FBP1: variants seen among roughly 807,000 people sequenced by gnomAD.
FBP1 encodes fructose-bisphosphatase 1.
A neutral mutation model predicts 29.9 loss-of-function variants in FBP1; 22 were observed. The ratio of observed to expected loss-of-function variants is 0.74; its 90% CI spans 0.53 to 1.05. The LOEUF (loss-of-function observed/expected upper bound fraction) is 1.05. FBP1 is among the 50% of genes least tolerant of loss of function. FBP1 has a pLI of 0.00. For synonymous variants in FBP1, 175 were observed against 178.6 expected, an observed-to-expected ratio of 0.98 and a Z score of 0.16; for missense variants, 345 against 448.2, an observed-to-expected ratio of 0.77 and a Z score of 2.08.
At chr9:94,631,813 C>T (rs1828108228) in intron 1 of FBP1, among the ~76,000 whole-genome samples, 1 of 152,110 alleles carries the variant, frequency 6.6e-6, no homozygotes, top group Admixed American at 6.5e-5. Context: ...TGCTTGATTC[C>T]ATGGTAATCA....
intron 1 of FBP1, among the ~76,000 whole-genome samples, chr9:94,633,211 A>G (rs28402398): frequency 0.01 from 1,591 of 152,158 alleles, 28 homozygotes; most frequent in African/African-American, 0.037. Flanking sequence ...CATCTAATCC[A>G]TGCTCAGACT....
intron 4 of FBP1, 23 bp from the exon 5 acceptor site, chr9:94,606,975 G>C: frequency 6.2e-7 from 1 of 1,613,934 alleles, no homozygotes; most frequent in Admixed American, 1.7e-5. Context: ...GGAAGGAAAG[G>C]TGGAGAGATG....
intron 1 of FBP1, among the ~76,000 whole-genome samples, chr9:94,631,800 T>C (rs1299483086): frequency 1.3e-5 from 2 of 152,178 alleles, no homozygotes; most frequent in Non-Finnish European, 2.9e-5. Flanking sequence ...ACTGGCTTGT[T>C]ACTGCTTGAT....
intron 4 of FBP1, among the ~76,000 whole-genome samples, 184 bp downstream of exon 4, chr9:94,609,737 T>G (rs192316968): frequency 6.6e-6 from 1 of 152,296 alleles, no homozygotes; most frequent in Admixed American, 6.5e-5. Context: ...CTCACCTCCA[T>G]AGTCTGCTCG....
intron 1 of FBP1, among the ~76,000 whole-genome samples, chr9:94,620,706 T>C (rs974481477): frequency 1.2e-4 from 18 of 152,108 alleles, no homozygotes; most frequent in African/African-American, 4.3e-4. Flanking sequence ...AAATGGGAGT[T>C]GAACAATGAG....
intron 3 of FBP1, among the ~76,000 whole-genome samples, chr9:94,613,693 GAGGGTGA>G (rs1460412646): frequency 6.6e-6 from 1 of 152,150 alleles, no homozygotes; most frequent in African/African-American, 2.4e-5. Context: ...TTAAACCCGG[GAGGGTGA>G]GGCTGCAGTG....
Position 94,603,179 on chromosome 9 carries a change from A to T in FBP1, c.*202T>A. 1 of 606,002 alleles carries T rather than the reference A, an allele frequency of 1.7e-6. No individual in the cohort carries two copies. Among genetic ancestry groups the T allele is most frequent in the Non-Finnish European group, 3.0e-6 (1 of 335,912 alleles). The allele number at this position is 606,002 out of a possible 1,614,324, so 37.5% of individuals were successfully genotyped here. ...TTTATTTCTCCTCCATCCACTCAAA[A>T]TATATCTTAACACCAGTGGCATTAT... On this transcript the variant is annotated 3_prime_UTR_variant, in exon 7 of 7. Coordinates refer to ENST00000375326, the MANE Select transcript of FBP1 (RefSeq NM_000507.4).
chr9:94,615,557 A>G (rs1320285589), intron 3 of FBP1, among the ~76,000 whole-genome samples: 2 of 152,194 alleles, frequency 1.3e-5, no homozygotes, highest in Non-Finnish European at 2.9e-5. Flanking sequence ...TTCCATGTCT[A>G]CAACAGAAAT....
intron 1 of FBP1, among the ~76,000 whole-genome samples, chr9:94,627,708 C>T (rs181138117): frequency 5.3e-5 from 8 of 152,324 alleles, no homozygotes; most frequent in Middle Eastern, 3.4e-3. Flanking sequence ...CGACTGGAGC[C>T]TTGCACACAC....
intron 4 of FBP1, 62 bp downstream of exon 4, chr9:94,609,859 A>G: frequency 1.3e-6 from 2 of 1,574,846 alleles, no homozygotes; most frequent in Non-Finnish European, 1.7e-6. Flanking sequence ...AATCCCCCAC[A>G]CATATCATTC....
chr9:94,625,051 T>C (rs1371432586), intron 1 of FBP1, among the ~76,000 whole-genome samples: 1 of 150,072 alleles, frequency 6.7e-6, no homozygotes, highest in Non-Finnish European at 1.5e-5. Flanking sequence ...TGGGATTAAA[T>C]GAAAGTAGGC....
chr9:94,639,197 G>C lies in FBP1; in HGVS notation c.114C>G (p.Leu38=). The C allele has an allele frequency of 1.9e-6, 3 of 1,604,074 alleles. No individual in the cohort carries two copies. The highest frequency in any genetic ancestry group is 2.6e-6 in the Non-Finnish European group (3 of 1,175,658). The change falls in exon 1 of 7, where the codon CTC becomes CTG. Residue 38 remains leucine (L), a synonymous_variant. Transcript: ENST00000375326. The part of the protein sequence containing the change: ...TGELTQLLNS[L]CTAVKAISSA... Reference sequence around the variant, plus strand: ...AAGAGATGGCTTTGACTGCTGTGCAGAGCGAGTTGAGCAGCTGGGTCAACT... The same window carrying C: ...AAGAGATGGCTTTGACTGCTGTGCACAGCGAGTTGAGCAGCTGGGTCAACT...
chr9:94,639,434 G>T lies in FBP1; in HGVS notation c.-124C>A. The T allele has an allele frequency of 1.7e-6, 2 of 1,159,762 alleles. No individual in the cohort carries two copies. Among genetic ancestry groups the T allele is most frequent in the African/African-American group, 1.5e-5 (1 of 65,654 alleles). 71.8% of individuals were successfully genotyped at this position (1,159,762 alleles called of 1,614,324 possible). ...GCGGAGCTGCAGGTGCGGGCGGCAG[G>T]TGCGGGCCGCGGGACCTGGCGGGAG... On this transcript the variant is annotated 5_prime_UTR_variant, in exon 1 of 7. Transcript: ENST00000375326.
chr9:94,636,842 C>T (rs1391449089), intron 1 of FBP1, among the ~76,000 whole-genome samples: 1 of 152,004 alleles, frequency 6.6e-6, no homozygotes, highest in Non-Finnish European at 1.5e-5. Context: ...GCGCCTGCCA[C>T]CATGCCTGGC....
At chr9:94,606,244 C>A (rs1355070519) in intron 5 of FBP1, among the ~76,000 whole-genome samples, 1 of 152,132 alleles carries the variant, frequency 6.6e-6, no homozygotes, top group Non-Finnish European at 1.5e-5. Flanking sequence ...CTCCACACAG[C>A]CATTTCTTCT....
intron 1 of FBP1, among the ~76,000 whole-genome samples, chr9:94,630,475 C>T (rs1438428754): frequency 6.6e-6 from 1 of 152,222 alleles, no homozygotes; most frequent in Non-Finnish European, 1.5e-5. Flanking sequence ...GGCTGGCACT[C>T]TACACCACCA....
At chr9:94,612,668 T>C (rs777976482) in intron 3 of FBP1, among the ~76,000 whole-genome samples, 1 of 150,370 alleles carries the variant, frequency 6.7e-6, no homozygotes, top group Non-Finnish European at 1.5e-5. Flanking sequence ...GTGATTCTCC[T>C]GCCTCAGCCT....
upstream of FBP1, chr9:94,639,567 C>A: frequency 3.5e-6 from 2 of 578,794 alleles, no homozygotes; most frequent in African/African-American, 1.9e-5. Context: ...GCGGGTCGGC[C>A]CCCCGCCCCC....
intron 1 of FBP1, among the ~76,000 whole-genome samples, chr9:94,620,831 G>A (rs780650110): frequency 1.3e-5 from 2 of 152,172 alleles, no homozygotes; most frequent in Non-Finnish European, 1.5e-5. Flanking sequence ...ATTGATGGGT[G>A]CAGCAAACCA....
Sources: gnomAD v4.1 joint callset for allele counts (sites outside exome capture counted in the v4.1 genomes callset) on GRCh38, gnomAD v4.1.1 for gene constraint, MANE v1.5 for transcripts, NCBI Gene and HGNC (gene_info 2026-07-23, HGNC 2026-07-21) for gene names.